Variants in CNTNAP4 observed in about 807,000 individuals in gnomAD.
CNTNAP4 encodes contactin associated protein family member 4.
A neutral mutation model predicts 148.4 loss-of-function variants in CNTNAP4; 98 were observed. The observed-to-expected ratio is 0.66, with a 90% confidence interval of 0.56 to 0.78. CNTNAP4 has a LOEUF of 0.78. CNTNAP4 is among the 30% of genes least tolerant of loss of function. The pLI is 0.00. For missense variants in CNTNAP4, 1,935 were observed against 1,565.6 expected (o/e 1.24, Z -3.98); for synonymous variants, 730 against 565.1 (o/e 1.29, Z -4.14).
At chr16:76,353,656 T>C (rs1346556) in intron 2 of CNTNAP4, among the ~76,000 whole-genome samples, 19,797 of 152,014 alleles carry the variant, frequency 0.13, 1,997 homozygotes, top group East Asian at 0.47. Context: ...GCTAGCCCTA[T>C]CCTGCTTGTC....
At chr16:76,499,781 C>A (rs1300577118) in intron 15 of CNTNAP4, among the ~76,000 whole-genome samples, 1 of 151,272 alleles carries the variant, frequency 6.6e-6, no homozygotes, top group Non-Finnish European at 1.5e-5. Flanking sequence ...ATGCTGCCTT[C>A]AAGCATCTGT....
At chr16:76,339,165 C>G (rs867818743) in intron 2 of CNTNAP4, among the ~76,000 whole-genome samples, 12 of 150,010 alleles carry the variant, frequency 8.0e-5, no homozygotes, top group African/African-American at 2.7e-4. Flanking sequence ...TGAAAGGTGG[C>G]ATTTAGAGAT....
rs145360135 is a variant in CNTNAP4, at chr16:76,283,342, A to G, written c.85+5595A>G. ...AGGTTGTTTAAGAAATCGTTCTGTT[A>G]TAAAGACACATGCACATGTATGTTC... is the stretch of plus-strand genomic sequence containing the variant. On this transcript the variant is annotated intron_variant, in intron 1 of 23. Coordinates refer to ENST00000611870, the MANE Select transcript of CNTNAP4 (RefSeq NM_033401.5). Among the ~76,000 whole-genome samples the G allele has an allele frequency of 2.6e-3, 393 of 152,128 alleles. 2 individuals are homozygous for G. The highest frequency in any genetic ancestry group is 9.0e-3 in the African/African-American group (375 of 41,564).
intron 3 of CNTNAP4, among the ~76,000 whole-genome samples, chr16:76,370,265 A>G (rs1347678143): frequency 6.8e-6 from 1 of 146,710 alleles, no homozygotes; most frequent in African/African-American, 2.8e-5. Flanking sequence ...GCAGCATGTC[A>G]TCTAATCTGA....
At chr16:76,502,752 T>C (rs1038554341) in intron 15 of CNTNAP4, among the ~76,000 whole-genome samples, 1 of 152,180 alleles carries the variant, frequency 6.6e-6, no homozygotes, top group African/African-American at 2.4e-5. Context: ...AGCTTTCTGA[T>C]TTGAATAAAG....
rs1269995753 is a variant in CNTNAP4 at position 76,452,713 on chromosome 16, G to A, written c.1277G>A (p.Gly426Glu). 4 of 1,611,154 alleles carry A rather than the reference G, an allele frequency of 2.5e-6. No homozygotes were observed. The highest frequency in any genetic ancestry group is 3.4e-6 in the Non-Finnish European group (4 of 1,178,386). The change falls in exon 8 of 24, where the codon GGA (glycine) becomes GAA (glutamate). Residue 426 changes from glycine (G) to glutamate (E), a missense_variant. Transcript: ENST00000611870. Reference protein sequence around the residue: ...SGGILLFLSDGKLKSNLYQPG... With the variant: ...SGGILLFLSDEKLKSNLYQPG... ...GGTATCCTCCTCTTTCTGAGTGATG[G>A]AAAACTTAAGTCGAATCTCTACCAG... is the stretch of plus-strand genomic sequence containing the variant.
At chr16:76,350,598 T>G (rs12926746) in intron 2 of CNTNAP4, among the ~76,000 whole-genome samples, 43,376 of 152,150 alleles carry the variant, frequency 0.29, 7,159 homozygotes, top group Non-Finnish European at 0.38. Context: ...AGTTACAAAA[T>G]TTTTTCAAAG....
chr16:76,497,011 A>G (rs1458031925), intron 14 of CNTNAP4, among the ~76,000 whole-genome samples: 1 of 152,226 alleles, frequency 6.6e-6, no homozygotes, highest in East Asian at 1.9e-4. Flanking sequence ...ATTTTAGAAT[A>G]GAAAAGAGCA....
chr16:76,477,587 G>C (rs2081638563), intron 11 of CNTNAP4, among the ~76,000 whole-genome samples: 1 of 152,086 alleles, frequency 6.6e-6, no homozygotes, highest in South Asian at 2.1e-4. Context: ...CTCTACCACT[G>C]TTGTTGGAGT....
At chr16:76,421,922 G>A (rs182755684) in intron 3 of CNTNAP4, among the ~76,000 whole-genome samples, 4 of 152,258 alleles carry the variant, frequency 2.6e-5, no homozygotes, top group African/African-American at 9.6e-5. Flanking sequence ...CCATGTTTCT[G>A]ATTTATAACA....
At chr16:76,404,573 C>T (rs2078536858) in intron 3 of CNTNAP4, among the ~76,000 whole-genome samples, 3 of 152,086 alleles carry the variant, frequency 2.0e-5, no homozygotes, top group Admixed American at 2.0e-4. Context: ...GAATTAGAAT[C>T]TCTCAGCATA....
chr16:76,374,914 C>G (rs887519714), intron 3 of CNTNAP4, among the ~76,000 whole-genome samples: 1 of 151,808 alleles, frequency 6.6e-6, no homozygotes, highest in African/African-American at 2.4e-5. Flanking sequence ...GATTAAGGTG[C>G]CTGCCACTAT....
intron 2 of CNTNAP4, among the ~76,000 whole-genome samples, chr16:76,328,706 C>T (rs1220469758): frequency 3.3e-5 from 5 of 151,752 alleles, no homozygotes; most frequent in East Asian, 1.9e-4. Flanking sequence ...AGTGCATTAG[C>T]GCAATCTTGG....
Position 76,479,444 on chromosome 16 carries a change from C to T in CNTNAP4, c.1788C>T (p.Ala596=). 1 of 1,609,084 alleles carries T rather than the reference C, an allele frequency of 6.2e-7. No individual in the cohort carries two copies. Among genetic ancestry groups the T allele is most frequent in the Non-Finnish European group, 8.5e-7 (1 of 1,177,848 alleles). The change falls in exon 12 of 24, where the codon GCC becomes GCT. Residue 596 remains alanine, a synonymous_variant. Coordinates refer to ENST00000611870, the MANE Select transcript of CNTNAP4 (RefSeq NM_033401.5). ...HNSIYEQSCE[A]YKHRGNTSGF... ...CTATCTATGAGCAGTCATGTGAAGC[C>T]TATAAGCACAGAGGAAATACTTCAG...
At chr16:76,380,853 A>G (rs2015897167) in intron 3 of CNTNAP4, among the ~76,000 whole-genome samples, 2 of 152,172 alleles carry the variant, frequency 1.3e-5, no homozygotes, top group African/African-American at 4.8e-5. Flanking sequence ...CTTCCACACC[A>G]CAAGCATCAA....
intron 2 of CNTNAP4, among the ~76,000 whole-genome samples, chr16:76,348,286 G>T (rs536884180): frequency 6.6e-6 from 1 of 152,060 alleles, no homozygotes; most frequent in South Asian, 2.1e-4. Context: ...AAGGAGAATG[G>T]AAAATCAGTT....
chr16:76,548,389 A>T (rs2084826869), intron 21 of CNTNAP4, among the ~76,000 whole-genome samples: 1 of 146,104 alleles, frequency 6.8e-6, no homozygotes, highest in African/African-American at 2.5e-5. Context: ...CATAGGTAGG[A>T]CATATAAAGT....
intron 2 of CNTNAP4, among the ~76,000 whole-genome samples, chr16:76,334,765 C>T (rs1202217973): frequency 1.3e-5 from 2 of 151,966 alleles, no homozygotes; most frequent in East Asian, 3.9e-4. Context: ...TTTGGACGTG[C>T]AGGAAACAAT....
chr16:76,529,147 T>C (rs1050067661), intron 17 of CNTNAP4, among the ~76,000 whole-genome samples: 4 of 152,196 alleles, frequency 2.6e-5, no homozygotes, highest in Admixed American at 2.6e-4. Flanking sequence ...TATAATAAAA[T>C]GGATTCGCCT....
Sources: allele counts gnomAD v4.1 joint callset (sites outside exome capture counted in the v4.1 genomes callset), GRCh38; gene constraint gnomAD v4.1.1; transcripts MANE v1.5; gene names NCBI Gene and HGNC (gene_info 2026-07-23, HGNC 2026-07-21).